Variants in CTIF observed in about 807,000 individuals in gnomAD.
The protein encoded by CTIF is CBP80/20-dependent translation initiation factor.
In CTIF, 21 loss-of-function variants were observed where a neutral mutation model predicts 66.0. That is an observed-to-expected ratio of 0.32 (90% confidence interval 0.23 to 0.46). CTIF has a LOEUF of 0.46. Among genes scored for constraint, CTIF ranks in the 20% least tolerant of loss-of-function variants. CTIF has a pLI of 1.00. For missense variants in CTIF, 739 were observed against 812.7 expected (o/e 0.91, Z 1.10); for synonymous variants, 345 against 326.4 (o/e 1.06, Z -0.62).
intron 10 of CTIF, among the ~76,000 whole-genome samples, chr18:48,854,446 A>G (rs955907116): frequency 2.6e-5 from 4 of 152,074 alleles, no homozygotes; most frequent in Admixed American, 2.0e-4. Context: ...CTGAAGTAGA[A>G]ATGATTTCTC....
chr18:48,664,877 C>T lies in CTIF; in HGVS notation c.431+326C>T, dbSNP rs549697500. On this transcript the variant is annotated intron_variant, in intron 5 of 11. Transcript: ENST00000256413. ...AGGCCCACCCCAGAGTCTGTGATTC[C>T]GTAGGTGTGGACTGAGGCTGTGTGT... Among the ~76,000 whole-genome samples the T allele has an allele frequency of 1.5e-4, 22 of 151,392 alleles. No individual in the cohort carries two copies. In the East Asian group the frequency reaches 3.7e-3, roughly 26 times the overall value.
At chr18:48,731,206 G>A (rs1010587618) in intron 7 of CTIF, among the ~76,000 whole-genome samples, 1 of 152,068 alleles carries the variant, frequency 6.6e-6, no homozygotes, top group African/African-American at 2.4e-5. Context: ...AACCCACAAG[G>A]GAGGACCACC....
At chr18:48,561,064 C>A (rs2089147555) in intron 1 of CTIF, among the ~76,000 whole-genome samples, 1 of 152,026 alleles carries the variant, frequency 6.6e-6, no homozygotes, top group Non-Finnish European at 1.5e-5. Context: ...CATGGCCAAA[C>A]CCCATCTCTA....
chr18:48,776,027 G>A lies in CTIF; in HGVS notation c.1371+14338G>A, dbSNP rs368038131. Among the ~76,000 whole-genome samples the A allele has an allele frequency of 6.2e-4, 94 of 152,356 alleles. No individual in the cohort carries two copies. The East Asian group carries it at 9.3e-3, about 15-fold the overall frequency. On this transcript the variant is annotated intron_variant, in intron 9 of 11. Transcript: ENST00000256413. The stretch of plus-strand genomic sequence containing the variant: ...AACTAAAACTTCTACCTCAAGAGGC[G>A]TGAGTTTCCTGCCAGCCTTGGGCCG...
chr18:48,838,611 A>G (rs998674602), intron 10 of CTIF, among the ~76,000 whole-genome samples: 2 of 152,212 alleles, frequency 1.3e-5, no homozygotes, highest in Non-Finnish European at 2.9e-5. Context: ...AAGTATATGC[A>G]TTACTGCACA....
intron 1 of CTIF, among the ~76,000 whole-genome samples, chr18:48,554,603 T>G (rs1367640437): frequency 2.6e-5 from 4 of 152,254 alleles, no homozygotes; most frequent in Non-Finnish European, 5.9e-5. Flanking sequence ...GCTGGGAACA[T>G]GGCCCCTTTC....
At chr18:48,850,527 A>C (rs2069177635) in intron 10 of CTIF, among the ~76,000 whole-genome samples, 1 of 152,222 alleles carries the variant, frequency 6.6e-6, no homozygotes, top group African/African-American at 2.4e-5. Context: ...GGGACATAGG[A>C]CAGGTCATTT....
intron 9 of CTIF, among the ~76,000 whole-genome samples, chr18:48,813,980 CAGAT>C (rs886851591): frequency 1.3e-5 from 2 of 152,200 alleles, no homozygotes; most frequent in African/African-American, 4.8e-5. Context: ...CAGCCAGAGA[CAGAT>C]AGAGGAAGGG....
intron 1 of CTIF, among the ~76,000 whole-genome samples, chr18:48,552,650 ACCT>A (rs1179045236): frequency 6.6e-6 from 1 of 151,978 alleles, no homozygotes; most frequent in Non-Finnish European, 1.5e-5. Context: ...TGAAGGCCCC[ACCT>A]CCTAATACCA....
At chr18:48,699,450 C>A (rs1293939995) in intron 6 of CTIF, among the ~76,000 whole-genome samples, 4 of 142,676 alleles carry the variant, frequency 2.8e-5, no homozygotes, top group Admixed American at 2.7e-4. Context: ...CCGGGTGGTG[C>A]AGGTCTGTGT....
At chr18:48,740,700 G>A (rs1251757311) in intron 7 of CTIF, among the ~76,000 whole-genome samples, 2 of 152,126 alleles carry the variant, frequency 1.3e-5, no homozygotes, top group East Asian at 1.9e-4. Context: ...CCCCCACCAC[G>A]CACCTTGTTC....
intron 6 of CTIF, among the ~76,000 whole-genome samples, chr18:48,703,383 C>T (rs949217596): frequency 6.6e-6 from 1 of 152,196 alleles, no homozygotes; most frequent in Non-Finnish European, 1.5e-5. Context: ...CCTCCCACCC[C>T]TTCCCTGGCC....
chr18:48,660,354 C>T (rs2091322734), intron 3 of CTIF, among the ~76,000 whole-genome samples: 1 of 152,246 alleles, frequency 6.6e-6, no homozygotes, highest in African/African-American at 2.4e-5. Flanking sequence ...TCCCTCTCCC[C>T]AGGCTTCTGT....
At chr18:48,845,767 C>G (rs1304169729) in intron 10 of CTIF, among the ~76,000 whole-genome samples, 1 of 152,222 alleles carries the variant, frequency 6.6e-6, no homozygotes, top group Admixed American at 6.5e-5. Flanking sequence ...CACCTGCCTT[C>G]CCAATATTGT....
At chr18:48,750,589 C>T (rs1907705310) in intron 7 of CTIF, among the ~76,000 whole-genome samples, 2 of 152,238 alleles carry the variant, frequency 1.3e-5, no homozygotes, top group African/African-American at 4.8e-5. Flanking sequence ...AGGGCTGTTC[C>T]CAGCACAGAT....
intron 9 of CTIF, among the ~76,000 whole-genome samples, chr18:48,762,813 C>T (rs981990680): frequency 2.0e-5 from 3 of 152,228 alleles, no homozygotes; most frequent in Admixed American, 1.3e-4. Context: ...CGCAGTCTGC[C>T]GTCTTCCCTA....
intron 5 of CTIF, among the ~76,000 whole-genome samples, chr18:48,670,129 C>A (rs1598838404): frequency 6.6e-6 from 1 of 151,990 alleles, no homozygotes; most frequent in Admixed American, 6.6e-5. Flanking sequence ...AGATTCAGAC[C>A]TCTGGCCAGG....
chr18:48,837,991 A>C (rs1046655569), intron 10 of CTIF, among the ~76,000 whole-genome samples: 4 of 152,256 alleles, frequency 2.6e-5, no homozygotes, highest in Admixed American at 6.5e-5. Context: ...ACGGGGGCAC[A>C]CTGAGGAAGA....
At chr18:48,623,158 G>A (rs528607301) in intron 2 of CTIF, among the ~76,000 whole-genome samples, 1 of 152,380 alleles carries the variant, frequency 6.6e-6, no homozygotes, top group South Asian at 2.1e-4. Context: ...CAAGGCTGTG[G>A]AGGGGCTTTC....
Sources: gnomAD v4.1 joint callset for allele counts (sites outside exome capture counted in the v4.1 genomes callset) on GRCh38, gnomAD v4.1.1 for gene constraint, MANE v1.5 for transcripts, NCBI Gene and HGNC (gene_info 2026-07-23, HGNC 2026-07-21) for gene names.